Variants in JARID2 observed in about 807,000 individuals in gnomAD.
JARID2 encodes the protein jumonji and AT-rich interaction domain containing 2.
JARID2 carries 21 observed loss-of-function variants against 125.6 expected under a neutral mutation model. The observed-to-expected ratio is 0.17, with a 90% CI of 0.12 to 0.24. The LOEUF is 0.24. Ranked by LOEUF, JARID2 falls within the 10% of genes least tolerant of loss-of-function variation. The probability of loss-of-function intolerance (pLI) is 1.00; values close to 1 mark genes in which losing one functional copy is unlikely to be tolerated. For synonymous variants in JARID2, 736 were observed against 661.6 expected (o/e 1.11, Z -1.73); for missense variants, 1,303 against 1,639.6 (o/e 0.79, Z 3.55).
chr6:15,276,970 G>A (rs576383302), intron 1 of JARID2, among the ~76,000 whole-genome samples: 2 of 152,304 alleles, frequency 1.3e-5, no homozygotes, highest in East Asian at 1.9e-4. Context: ...TGGACAAGGC[G>A]AAAGCTTGTT....
intron 1 of JARID2, chr6:15,249,088 T>C: frequency 3.3e-6 from 1 of 300,438 alleles, no homozygotes; most frequent in Non-Finnish European, 4.9e-6. Context: ...ACTTCCTCTG[T>C]TCCAGGTCTC....
intron 4 of JARID2, among the ~76,000 whole-genome samples, chr6:15,457,247 A>G (rs1340454118): frequency 1.3e-5 from 2 of 152,130 alleles, no homozygotes; most frequent in South Asian, 2.1e-4. Context: ...CACCTTTTTG[A>G]TATCCACTGC....
At chr6:15,442,082 A>G (rs933133320) in intron 3 of JARID2, among the ~76,000 whole-genome samples, 1 of 151,512 alleles carries the variant, frequency 6.6e-6, no homozygotes, top group Admixed American at 6.6e-5. Context: ...GTAGAATACA[A>G]TTTCTTCTTA....
intron 2 of JARID2, among the ~76,000 whole-genome samples, chr6:15,407,114 T>C (rs1561841741): frequency 6.6e-6 from 1 of 151,570 alleles, no homozygotes; most frequent in Non-Finnish European, 1.5e-5. Flanking sequence ...AGAAAAAAAT[T>C]AGTGGGGCAT....
At chr6:15,412,798 T>C (rs1300118751) in intron 3 of JARID2, among the ~76,000 whole-genome samples, 3 of 152,126 alleles carry the variant, frequency 2.0e-5, no homozygotes, top group Non-Finnish European at 4.4e-5. Context: ...AACTGTAATA[T>C]GTAACCTGTC....
chr6:15,348,409 A>AT (rs928489638), intron 1 of JARID2, among the ~76,000 whole-genome samples: 44 of 151,540 alleles, frequency 2.9e-4, no homozygotes, highest in Admixed American at 2.3e-3. Context: ...TTTTAATTCT[A>AT]TTTTTTTCTA....
At chr6:15,495,913 G>C (rs1770394384) in intron 6 of JARID2, among the ~76,000 whole-genome samples, 1 of 152,210 alleles carries the variant, frequency 6.6e-6, no homozygotes, top group Admixed American at 6.5e-5. Flanking sequence ...CGAAGGATAG[G>C]TATATAGTGG....
intron 1 of JARID2, among the ~76,000 whole-genome samples, chr6:15,326,875 A>C (rs755410599): frequency 1.3e-5 from 2 of 152,250 alleles, no homozygotes; most frequent in Non-Finnish European, 2.9e-5. Context: ...TAATGAGTCA[A>C]GTGTTCAGAT....
chr6:15,400,466 G>T (rs570944191), intron 2 of JARID2, among the ~76,000 whole-genome samples: 2 of 151,222 alleles, frequency 1.3e-5, no homozygotes, highest in East Asian at 2.0e-4. Flanking sequence ...CCTGGAGTCC[G>T]CTGTCTGTGG....
chr6:15,416,023 G>A (rs1581530520), intron 3 of JARID2, among the ~76,000 whole-genome samples: 1 of 151,634 alleles, frequency 6.6e-6, no homozygotes, highest in Non-Finnish European at 1.5e-5. Context: ...TCATGGCCCG[G>A]TAGAGGCGCT....
chr6:15,375,239 G>T (rs1292237103), intron 2 of JARID2, among the ~76,000 whole-genome samples: 2 of 152,286 alleles, frequency 1.3e-5, no homozygotes, highest in African/African-American at 2.4e-5. Flanking sequence ...TGTTTCTATG[G>T]GGCAATGGCA....
intron 2 of JARID2, among the ~76,000 whole-genome samples, chr6:15,404,519 G>GCGCACA (rs1193569035): frequency 2.3e-4 from 32 of 138,356 alleles, no homozygotes; most frequent in African/African-American, 7.5e-4. Context: ...ATCTTAAAGT[G>GCGCACA]CACACACACA....
intron 1 of JARID2, among the ~76,000 whole-genome samples, chr6:15,357,439 T>G (rs1173172342): frequency 1.3e-5 from 2 of 152,234 alleles, no homozygotes; most frequent in Non-Finnish European, 2.9e-5. Flanking sequence ...AAACATTACA[T>G]GTCAGTGAAC....
chr6:15,467,360 TAGGC>T (rs1561882632), intron 4 of JARID2, among the ~76,000 whole-genome samples: 1 of 152,186 alleles, frequency 6.6e-6, no homozygotes, highest in Non-Finnish European at 1.5e-5. Flanking sequence ...AGCTCATTCA[TAGGC>T]AGGCAAGAGA....
rs1033523894 is a variant in JARID2 at position 15,452,070 on chromosome 6, G to C, written c.388G>C (p.Val130Leu). 1 of 1,614,082 alleles carries C rather than the reference G, an allele frequency of 6.2e-7. No individual in the cohort carries two copies. The highest frequency in any genetic ancestry group is 1.7e-5 in the Admixed American group (1 of 60,020). The change falls in exon 4 of 18, where the codon GTA (valine) becomes CTA (leucine). Residue 130 changes from valine (V) to leucine (L), a missense_variant. Physicochemically the swap from Val to Leu is conservative, Grantham distance 32. This residue lies in a region of JARID2 where 42 missense variants were observed against 35.7 expected (regional missense o/e 1.18). Coordinates refer to ENST00000341776, the MANE Select transcript of JARID2 (RefSeq NM_004973.4). The part of the protein sequence containing the change: ...SQPNSPSTTP[V>L]KIVEPLLPPP... ...GCCGAATAGTCCCAGCACAACTCCA[G>C]TAAAGATAGTGGAGCCATTGCTACC...
chr6:15,362,033 CTA>C, intron 1 of JARID2, among the ~76,000 whole-genome samples: 1 of 151,480 alleles, frequency 6.6e-6, no homozygotes, highest in South Asian at 2.1e-4. Context: ...GTAGGTGGGA[CTA>C]CACATGTACC....
chr6:15,486,333 AC>A (rs2127714994), intron 5 of JARID2, among the ~76,000 whole-genome samples: 1 of 152,268 alleles, frequency 6.6e-6, no homozygotes, highest in South Asian at 2.1e-4. Context: ...TTCTGTAGAA[AC>A]CCCAAGCATC....
At chr6:15,352,109 C>G (rs1763449908) in intron 1 of JARID2, among the ~76,000 whole-genome samples, 1 of 152,146 alleles carries the variant, frequency 6.6e-6, no homozygotes, top group African/African-American at 2.4e-5. Flanking sequence ...ACACAGCTAG[C>G]TCTTCATTGC....
intron 1 of JARID2, among the ~76,000 whole-genome samples, chr6:15,272,253 C>T (rs548148364): frequency 4.1e-4 from 62 of 152,334 alleles, no homozygotes; most frequent in African/African-American, 1.4e-3. Flanking sequence ...GAAGACCATT[C>T]TTCAGTTTTC....
Sources: gnomAD v4.1 joint callset for allele counts (sites outside exome capture counted in the v4.1 genomes callset) on GRCh38, gnomAD v4.1.1 for gene constraint, gnomAD v4.1.1 regional missense constraint, MANE v1.5 for transcripts, NCBI Gene and HGNC (gene_info 2026-07-23, HGNC 2026-07-21) for gene names.